The following PRCP variants were observed in gnomAD, a reference collection of about 807,000 sequenced individuals.
PRCP encodes the protein lysosomal Pro-X carboxypeptidase.
PRCP carries 46 observed loss-of-function variants against 54.2 expected under a neutral mutation model. The ratio of observed to expected loss-of-function variants is 0.85; its 90% CI spans 0.67 to 1.09. The LOEUF is 1.09. PRCP is among the 50% of genes least tolerant of loss of function. The probability of loss-of-function intolerance (pLI) is 0.00; values close to 1 mark genes in which losing one functional copy is unlikely to be tolerated. For missense variants in PRCP, 613 were observed against 596.8 expected (o/e 1.03, Z -0.28); for synonymous variants, 240 against 212.2 (o/e 1.13, Z -1.14).
intron 8 of PRCP, among the ~76,000 whole-genome samples, chr11:82,837,889 C>A (rs1050418540): frequency 6.6e-6 from 1 of 152,124 alleles, no homozygotes; most frequent in African/African-American, 2.4e-5. Context: ...TGAGCTTTGG[C>A]AAGTGATTGA....
At chr11:82,855,154 T>C (rs1859054784) in intron 2 of PRCP, among the ~76,000 whole-genome samples, 1 of 152,084 alleles carries the variant, frequency 6.6e-6, no homozygotes, top group Non-Finnish European at 1.5e-5. Context: ...CAAAAAGCAA[T>C]TGCAACAAAA....
intron 6 of PRCP, among the ~76,000 whole-genome samples, chr11:82,844,750 AGAAAGAAAG>A (rs1858765255): frequency 1.5e-5 from 2 of 134,422 alleles, no homozygotes; most frequent in Non-Finnish European, 3.2e-5. Context: ...AAAAAAAAAA[AGAAAGAAAG>A]AAAGAAAGAA....
rs1858148317 is a variant in PRCP at position 82,823,634 on chromosome 11, T to G, written c.*1272A>C. 1 of 151,548 alleles carries G rather than the reference T, an allele frequency of 6.6e-6. No homozygotes were observed. Among genetic ancestry groups the G allele is most frequent in the South Asian group, 2.1e-4 (1 of 4,788 alleles). 9.4% of individuals were successfully genotyped at this position (151,548 alleles called of 1,614,324 possible). On this transcript the variant is annotated 3_prime_UTR_variant, in exon 9 of 9. Transcript: ENST00000313010. The stretch of plus-strand genomic sequence containing the variant: ...CCAAGGCAGGGTGAAGAAAAAAAAA[T>G]TATTGAGAGAAAATGAAAAGAAACA...
chr11:82,893,762 C>T (rs1294803656), intron 1 of PRCP, among the ~76,000 whole-genome samples: 1 of 152,158 alleles, frequency 6.6e-6, no homozygotes, highest in African/African-American at 2.4e-5. Context: ...GGCTTCACTC[C>T]AGCCTGAGTG....
Position 82,850,023 on chromosome 11 carries a change from A to T in PRCP, c.642T>A (p.Pro214=). Residue 214 remains proline (P), a synonymous_variant, in exon 5 of 9, where the codon CCT becomes CCA. Coordinates refer to ENST00000313010, the MANE Select transcript of PRCP (RefSeq NM_005040.4). The part of the protein sequence containing the change: ...APIWQFEDLV[P]CGVFMKIVTT... ...TTACGATCTTCATAAATACACCACA[A>T]GGTACTAAATCCTCAAACTGCCAGA... 1 of 1,539,700 alleles carries T rather than the reference A, an allele frequency of 6.5e-7. No individual in the cohort carries two copies. The highest frequency in any genetic ancestry group is 8.8e-7 in the Non-Finnish European group (1 of 1,141,056).
rs1411653352 is a variant in PRCP, at chr11:82,830,352, G to C, written c.1275-5230C>G. The C allele has an allele frequency of 3.9e-5, 6 of 152,050 alleles. No individual in the cohort carries two copies. In the East Asian group the frequency reaches 1.2e-3, roughly 29 times the overall value. 9.4% of individuals were successfully genotyped at this position (152,050 alleles called of 1,614,324 possible). A position where few individuals can be genotyped will look rare whatever the true frequency, so the allele number is the denominator to read the frequency against. On this transcript the variant is annotated intron_variant, in intron 8 of 8. Coordinates refer to ENST00000313010, the MANE Select transcript of PRCP (RefSeq NM_005040.4). The stretch of plus-strand genomic sequence containing the variant: ...ATCTAAAATTGCCTGCGCTGGCCAG[G>C]CACGGTGGCTCACACCTATAATCCC...
At chr11:82,880,340 C>A (rs530017832) in intron 1 of PRCP, among the ~76,000 whole-genome samples, 31 of 152,356 alleles carry the variant, frequency 2.0e-4, no homozygotes, top group African/African-American at 4.8e-4. Flanking sequence ...CCCTCTGAGC[C>A]AGGCACAGGA....
intron 3 of PRCP, among the ~76,000 whole-genome samples, chr11:82,852,060 A>AT (rs1858972043): frequency 6.6e-6 from 1 of 152,202 alleles, no homozygotes; most frequent in Non-Finnish European, 1.5e-5. Context: ...CCATTTTGCT[A>AT]ACACAGTATC....
intron 1 of PRCP, among the ~76,000 whole-genome samples, chr11:82,864,581 T>C (rs1859287627): frequency 6.6e-6 from 1 of 152,256 alleles, no homozygotes; most frequent in African/African-American, 2.4e-5. Flanking sequence ...GCTAGAACTT[T>C]ATTTTTGCAG....
chr11:82,847,225 C>T (rs1858828750), intron 6 of PRCP, among the ~76,000 whole-genome samples: 1 of 152,190 alleles, frequency 6.6e-6, no homozygotes, highest in South Asian at 2.1e-4. Flanking sequence ...GTAATTCTCA[C>T]CTTGTACACA....
At chr11:82,859,920 C>T (rs1859168719) in intron 2 of PRCP, 57 bp downstream of exon 2, 13 of 1,461,940 alleles carry the variant, frequency 8.9e-6, no homozygotes, top group Non-Finnish European at 1.1e-5. Context: ...ACATTTCTTC[C>T]AAGTTATCAT....
At chr11:82,865,036 T>C (rs963100085) in intron 1 of PRCP, among the ~76,000 whole-genome samples, 10 of 152,114 alleles carry the variant, frequency 6.6e-5, no homozygotes, top group Non-Finnish European at 1.0e-4. Context: ...GCCACAGTGC[T>C]GTTGCTCTAC....
intron 1 of PRCP, among the ~76,000 whole-genome samples, chr11:82,877,581 T>G (rs1859638861): frequency 6.6e-6 from 1 of 152,212 alleles, no homozygotes; most frequent in Non-Finnish European, 1.5e-5. Context: ...AGGCTGTGAC[T>G]TCAGAGGGTG....
At position 82,838,401 on chromosome 11, in the gene PRCP, T is replaced by C. The variant is rs759625387; in HGVS notation, c.1260A>G (p.Thr420=). The C allele has an allele frequency of 1.9e-6, 3 of 1,608,378 alleles. No individual in the cohort carries two copies. Among genetic ancestry groups the C allele is most frequent in the Admixed American group, 1.7e-5 (1 of 58,838 alleles). ...CAAAAACTCACCTGAAAACAATGTTTGTGTGTGAACTAATGTTTTTGCCTC... is the reference window on the plus strand; with the variant it reads ...CAAAAACTCACCTGAAAACAATGTTCGTGTGTGAACTAATGTTTTTGCCTC... ...MYGGKNISSH[T]NIVFSNGELD... The change falls in exon 8 of 9, where the codon ACA becomes ACG. Residue 420 remains threonine, a synonymous_variant. Coordinates refer to ENST00000313010, the MANE Select transcript of PRCP (RefSeq NM_005040.4).
intron 1 of PRCP, among the ~76,000 whole-genome samples, chr11:82,878,513 T>G (rs554867977): frequency 6.6e-6 from 1 of 152,232 alleles, no homozygotes; most frequent in Non-Finnish European, 1.5e-5. Context: ...ATTCTCATGA[T>G]AGTGAATAAG....
rs115248744 is a variant in PRCP, at chr11:82,886,776, T to C, written c.168+13459A>G. On this transcript the variant is annotated intron_variant, in intron 1 of 8. Transcript: ENST00000313010. ...CCCTTTTTCCTCTATAAAATTGTAG[T>C]AACTCCCTACAGGGTAAAAGATAAA... is the stretch of plus-strand genomic sequence containing the variant. 4.2e-3 allele frequency among the ~76,000 whole-genome samples: 636 copies of C among 152,282 alleles called. 6 individuals carry two copies. Among genetic ancestry groups the C allele is most frequent in the African/African-American group, 0.014 (597 of 41,534 alleles).
At chr11:82,845,682 T>C (rs1858791435) in intron 6 of PRCP, 1 of 152,206 alleles carries the variant, frequency 6.6e-6, no homozygotes, top group Non-Finnish European at 1.5e-5. Context: ...TCTATCTACA[T>C]GCACAGCAGC....
Position 82,850,433 on chromosome 11 carries a change from T to C in PRCP, c.484A>G (p.Lys162Glu). Residue 162 changes from lysine to glutamate, a missense_variant, in exon 4 of 9, where the codon AAA (lysine) becomes GAA (glutamate). Coordinates refer to ENST00000313010, the MANE Select transcript of PRCP (RefSeq NM_005040.4). ...ADFAELIKHLKRTIPGAENQP... is the reference protein window; with the variant it reads ...ADFAELIKHLERTIPGAENQP... The stretch of plus-strand genomic sequence containing the variant: ...TTTTCAGCTCCTGGGATTGTTCTTT[T>C]CAAGTGTTTGATTAACTCTGCAAAA... 3.1e-6 allele frequency: 5 copies of C among 1,609,032 alleles called. No individual in the cohort carries two copies. The highest frequency in any genetic ancestry group is 4.2e-6 in the Non-Finnish European group (5 of 1,177,186).
In PRCP at chr11:82,860,064, T is replaced by C. The variant is rs146845412; in HGVS notation, c.222A>G (p.Val74=). 3.2e-6 allele frequency: 5 copies of C among 1,585,782 alleles called. No homozygotes were observed. The South Asian group carries it at 3.5e-5, about 11-fold the overall frequency. Residue 74 remains valine, a synonymous_variant, in exon 2 of 9, where the codon GTA becomes GTG. Coordinates refer to ENST00000313010, the MANE Select transcript of PRCP (RefSeq NM_005040.4). ...CATTTTTCTTCCAGTATTTATCAGCTACTAGGTACCGCTGATTAAAAGTTT... is the reference window on the plus strand; with the variant it reads ...CATTTTTCTTCCAGTATTTATCAGCCACTAGGTACCGCTGATTAAAAGTTT... ...TVKTFNQRYL[V]ADKYWKKNGG...
Sources: gnomAD v4.1 joint callset for allele counts (sites outside exome capture counted in the v4.1 genomes callset) on GRCh38, gnomAD v4.1.1 for gene constraint, MANE v1.5 for transcripts, NCBI Gene and HGNC (gene_info 2026-07-23, HGNC 2026-07-21) for gene names.